The following FA2H variants were observed in gnomAD, a reference collection of about 807,000 sequenced individuals.
FA2H encodes the protein fatty acid 2-hydroxylase.
In FA2H, 22 loss-of-function variants were observed where a neutral mutation model predicts 44.9. That is an observed-to-expected ratio of 0.49 (90% CI 0.35 to 0.70). FA2H has a LOEUF of 0.70. Ranked by LOEUF, FA2H falls within the 30% of genes least tolerant of loss-of-function variation. FA2H has a pLI of 0.01. For missense variants in FA2H, 501 were observed against 504.9 expected (o/e 0.99, Z 0.07); for synonymous variants, 243 against 213.2 (o/e 1.14, Z -1.22).
chr16:74,747,188 G>A (rs1962440061), intron 1 of FA2H, among the ~76,000 whole-genome samples: 1 of 152,084 alleles, frequency 6.6e-6, no homozygotes, highest in African/African-American at 2.4e-5. Context: ...GCAGGCACCT[G>A]TAATCTCAGC....
chr16:74,752,683 G>T (rs1004694621), intron 1 of FA2H, among the ~76,000 whole-genome samples: 1 of 152,184 alleles, frequency 6.6e-6, no homozygotes, highest in Non-Finnish European at 1.5e-5. Flanking sequence ...TGGCACAGAG[G>T]AAATATTAGC....
intron 1 of FA2H, among the ~76,000 whole-genome samples, chr16:74,755,369 G>A (rs1298008887): frequency 2.0e-5 from 3 of 151,656 alleles, no homozygotes; most frequent in Admixed American, 6.6e-5. Flanking sequence ...TAGTAGAGAC[G>A]GGGTTTCGCC....
At chr16:74,721,975 T>C (rs1317962500) in intron 4 of FA2H, among the ~76,000 whole-genome samples, 3 of 152,312 alleles carry the variant, frequency 2.0e-5, no homozygotes, top group East Asian at 1.9e-4. Flanking sequence ...CATGGATTAC[T>C]TCCTATTTCA....
At position 74,726,523 on chromosome 16, in the gene FA2H, G is replaced by C. The variant is rs575404681; in HGVS notation, c.507-192C>G. ...TCTGCCTCAGCCTCCCAAGTAGCTG[G>C]GATTACAGGCATGTGCCACCACACC... On this transcript the variant is annotated intron_variant, in intron 3 of 6. Coordinates refer to ENST00000219368, the MANE Select transcript of FA2H (RefSeq NM_024306.5). Among the ~76,000 whole-genome samples, 384 of 152,290 alleles carry C rather than the reference G, an allele frequency of 2.5e-3. 1 individual carries two copies. Among genetic ancestry groups the C allele is most frequent in the African/African-American group, 8.6e-3 (357 of 41,556 alleles).
chr16:74,774,772 TC>T lies in FA2H; in HGVS notation c.-18del. The T allele has an allele frequency of 7.8e-7, 1 of 1,282,616 alleles. No individual in the cohort carries two copies. The highest frequency in any genetic ancestry group is 2.7e-5 in the South Asian group (1 of 37,176). 79.5% of individuals were successfully genotyped at this position (1,282,616 alleles called of 1,614,324 possible). On this transcript the variant is annotated 5_prime_UTR_variant, in exon 1 of 7. Transcript: ENST00000219368. ...GGGGGCCATGGCCGGAGACCGCAGC[TC>T]CCAGCGCGCAGCCCGGCGTCTGCTC...
intron 1 of FA2H, among the ~76,000 whole-genome samples, chr16:74,774,128 A>G (rs1208176550): frequency 6.6e-6 from 1 of 152,040 alleles, no homozygotes; most frequent in East Asian, 1.9e-4. Context: ...AGTGAAGAGG[A>G]AGGAAAGCCG....
At chr16:74,772,052 C>G (rs1962919143) in intron 1 of FA2H, among the ~76,000 whole-genome samples, 1 of 151,804 alleles carries the variant, frequency 6.6e-6, no homozygotes, top group South Asian at 2.1e-4. Context: ...CCGGGCTCAC[C>G]TGGCTTCCCA....
chr16:74,744,134 G>A (rs754836965), intron 1 of FA2H, among the ~76,000 whole-genome samples: 50 of 152,212 alleles, frequency 3.3e-4, no homozygotes, highest in Non-Finnish European at 2.2e-4. Context: ...CGTTGATCTG[G>A]GCCACGTTTT....
At chr16:74,770,387 T>C (rs1597575287) in intron 1 of FA2H, among the ~76,000 whole-genome samples, 1 of 152,342 alleles carries the variant, frequency 6.6e-6, no homozygotes, top group South Asian at 2.1e-4. Context: ...TGTTTGTTTG[T>C]TTGTTTTTGA....
chr16:74,753,654 CAG>C (rs543616145), intron 1 of FA2H, among the ~76,000 whole-genome samples: 2 of 151,838 alleles, frequency 1.3e-5, no homozygotes, highest in Non-Finnish European at 2.9e-5. Flanking sequence ...GCCTGGGTGA[CAG>C]AGCGAGACTC....
chr16:74,751,286 G>C (rs241380), intron 1 of FA2H, among the ~76,000 whole-genome samples: 1 of 149,108 alleles, frequency 6.7e-6, no homozygotes, highest in African/African-American at 2.5e-5. Context: ...AGTAGAGATG[G>C]GATTTCACTA....
At chr16:74,741,808 A>ATATATATATATGTGTGTGTGTG (rs1491185782) in intron 1 of FA2H, among the ~76,000 whole-genome samples, 2 of 48,418 alleles carry the variant, frequency 4.1e-5, no homozygotes, top group African/African-American at 2.2e-4. Context: ...ATATATATAT[A>ATATATATATATGTGTGTGTGTG]TGTGTGTGTG....
Position 74,713,630 on chromosome 16 carries a change from G to A in FA2H, c.*560C>T, listed in dbSNP as rs556586710. ...ACGCAGGCAGCTGGCAGGGCCAGAGGGGCTGCCCCAGGGTCTGGGGTGGAC... is the reference window on the plus strand; with the variant it reads ...ACGCAGGCAGCTGGCAGGGCCAGAGAGGCTGCCCCAGGGTCTGGGGTGGAC... On this transcript the variant is annotated 3_prime_UTR_variant, in exon 7 of 7. Transcript: ENST00000219368. The A allele has an allele frequency of 1.3e-5, 2 of 153,046 alleles. No individual in the cohort carries two copies. The highest frequency in any genetic ancestry group is 4.1e-4 in the South Asian group (2 of 4,864). 9.5% of individuals were successfully genotyped at this position (153,046 alleles called of 1,614,324 possible). A position where few individuals can be genotyped will look rare whatever the true frequency, so the allele number is the denominator to read the frequency against.
chr16:74,724,682 G>T (rs1263898990), intron 4 of FA2H, among the ~76,000 whole-genome samples: 1 of 152,136 alleles, frequency 6.6e-6, no homozygotes, highest in African/African-American at 2.4e-5. Flanking sequence ...CCCCATCACT[G>T]GCATCATGGT....
intron 1 of FA2H, among the ~76,000 whole-genome samples, chr16:74,747,640 G>A (rs980294838): frequency 3.3e-5 from 5 of 152,034 alleles, no homozygotes; most frequent in Non-Finnish European, 7.4e-5. Context: ...TGGAAGGAGA[G>A]ATGGGAGCAA....
intron 1 of FA2H, among the ~76,000 whole-genome samples, chr16:74,767,706 A>G (rs1383472029): frequency 2.0e-5 from 3 of 152,226 alleles, no homozygotes; most frequent in Non-Finnish European, 4.4e-5. Flanking sequence ...TCTCCCCTAG[A>G]GCATCCAGAA....
At chr16:74,720,840 T>C (rs537223809) in intron 4 of FA2H, among the ~76,000 whole-genome samples, 5 of 152,350 alleles carry the variant, frequency 3.3e-5, no homozygotes, top group African/African-American at 1.2e-4. Context: ...ATATGACATA[T>C]GGTCTTTTAT....
At chr16:74,747,174 G>C (rs1385169841) in intron 1 of FA2H, among the ~76,000 whole-genome samples, 1 of 152,092 alleles carries the variant, frequency 6.6e-6, no homozygotes. Flanking sequence ...AGCCAGGCAT[G>C]GTGGCAGGCA....
At chr16:74,746,007 G>A (rs1304113146) in intron 1 of FA2H, among the ~76,000 whole-genome samples, 5 of 151,994 alleles carry the variant, frequency 3.3e-5, no homozygotes, top group Admixed American at 6.6e-5. Context: ...GGGTTTCACC[G>A]TGTTGCCCAG....
Sources: gnomAD v4.1 joint callset for allele counts (sites outside exome capture counted in the v4.1 genomes callset) on GRCh38, gnomAD v4.1.1 for gene constraint, MANE v1.5 for transcripts, NCBI Gene and HGNC (gene_info 2026-07-23, HGNC 2026-07-21) for gene names.